Variants in PTPRD observed in about 807,000 individuals in gnomAD.
The protein encoded by PTPRD is protein tyrosine phosphatase receptor type D.
A neutral mutation model predicts 214.5 loss-of-function variants in PTPRD; 34 were observed. That is an observed-to-expected ratio of 0.16 (90% CI 0.12 to 0.21). The LOEUF (loss-of-function observed/expected upper bound fraction) is 0.21, where lower values mean the gene tolerates loss of function less well. Ranked by LOEUF, PTPRD falls within the 10% of genes least tolerant of loss-of-function variation. The pLI, the probability that PTPRD is intolerant of heterozygous loss-of-function variation, is 1.00. For synonymous variants in PTPRD, 1,128 were observed against 845.7 expected (o/e 1.33, Z -5.79); for missense variants, 2,545 against 2,398.7 (o/e 1.06, Z -1.27).
At chr9:10,535,438 T>G (rs1372937369) in intron 2 of PTPRD, among the ~76,000 whole-genome samples, 1 of 152,122 alleles carries the variant, frequency 6.6e-6, no homozygotes, top group East Asian at 1.9e-4. Context: ...GTGAGCTGTT[T>G]CAACAATGCC....
At chr9:9,758,851 T>C (rs1329159931) in intron 6 of PTPRD, among the ~76,000 whole-genome samples, 1 of 148,378 alleles carries the variant, frequency 6.7e-6, no homozygotes, top group Non-Finnish European at 1.5e-5. Context: ...AAATATGAGG[T>C]TGAAGATTTA....
In PTPRD at chr9:10,005,220, C is replaced by G. The variant is rs532103853; in HGVS notation, c.-472+28498G>C. Among the ~76,000 whole-genome samples, 4 of 152,152 alleles carry G rather than the reference C, an allele frequency of 2.6e-5. No homozygotes were observed. The South Asian group carries it at 8.3e-4, about 32-fold the overall frequency. ...AGGCACAAAGCTAACCTTGGTGTTT[C>G]TAAAGCACACAACCAACAGCTTTTT... On this transcript the variant is annotated intron_variant, in intron 4 of 45. Transcript: ENST00000381196.
chr9:9,217,674 C>G (rs2099953177), intron 9 of PTPRD, among the ~76,000 whole-genome samples: 2 of 152,084 alleles, frequency 1.3e-5, no homozygotes, highest in African/African-American at 4.8e-5. Context: ...TCCAGACTTC[C>G]TTTTTATATT....
chr9:8,713,787 G>T, intron 12 of PTPRD: 2 of 1,537,224 alleles, frequency 1.3e-6, no homozygotes, highest in Non-Finnish European at 8.8e-7. Context: ...ACCGGGTCCT[G>T]CGCCTTCAGC....
At chr9:9,293,714 C>CT (rs896119757) in intron 9 of PTPRD, among the ~76,000 whole-genome samples, 5 of 151,552 alleles carry the variant, frequency 3.3e-5, no homozygotes, top group Non-Finnish European at 5.9e-5. Flanking sequence ...AACTCGACTG[C>CT]TGGCAATCAG....
chr9:10,111,528 G>A (rs2098692304), intron 3 of PTPRD, among the ~76,000 whole-genome samples: 1 of 152,032 alleles, frequency 6.6e-6, no homozygotes. Flanking sequence ...GTGAGCCACC[G>A]CGCCCGGCCC....
chr9:8,632,840 A>G (rs2096294410), intron 14 of PTPRD, among the ~76,000 whole-genome samples: 1 of 152,012 alleles, frequency 6.6e-6, no homozygotes, highest in Non-Finnish European at 1.5e-5. Context: ...TTTTTTTCAC[A>G]TAAGACAGGT....
intron 7 of PTPRD, among the ~76,000 whole-genome samples, chr9:9,655,721 T>C (rs1021629626): frequency 2.0e-5 from 3 of 151,876 alleles, no homozygotes; most frequent in Non-Finnish European, 2.9e-5. Context: ...CTCACAACTG[T>C]AATCCCCGCA....
chr9:9,676,418 T>C (rs2096931353), intron 7 of PTPRD, among the ~76,000 whole-genome samples: 1 of 151,926 alleles, frequency 6.6e-6, no homozygotes. Flanking sequence ...AGAATGATGG[T>C]TTCCAGCTTC....
intron 2 of PTPRD, among the ~76,000 whole-genome samples, chr9:10,568,969 A>G (rs950438208): frequency 2.6e-5 from 4 of 152,142 alleles, no homozygotes; most frequent in Non-Finnish European, 5.9e-5. Flanking sequence ...AGAAACTACC[A>G]TCAGAGTGAA....
Position 8,736,628 on chromosome 9 carries a change from A to G in PTPRD, c.-103-2682T>C, listed in dbSNP as rs921449773. Among the ~76,000 whole-genome samples the G allele has an allele frequency of 3.3e-5, 5 of 152,246 alleles. No individual in the cohort carries two copies. In the East Asian group the frequency reaches 9.7e-4, roughly 29 times the overall value. ...GATATTACCTTTTTTATTAGTATTC[A>G]TAAGCGGTTTGAATGCAGGAAAGAT... is the stretch of plus-strand genomic sequence containing the variant. On this transcript the variant is annotated intron_variant, in intron 11 of 45. Coordinates refer to ENST00000381196, the MANE Select transcript of PTPRD (RefSeq NM_002839.4).
At chr9:9,223,715 T>G (rs888241246) in intron 9 of PTPRD, among the ~76,000 whole-genome samples, 5 of 151,928 alleles carry the variant, frequency 3.3e-5, no homozygotes, top group Admixed American at 3.3e-4. Context: ...ACCAACACAT[T>G]ATCAGGCAAA....
At chr9:8,378,620 G>C (rs908156110) in intron 37 of PTPRD, among the ~76,000 whole-genome samples, 1 of 152,038 alleles carries the variant, frequency 6.6e-6, no homozygotes, top group African/African-American at 2.4e-5. Context: ...GTCTCAGCTG[G>C]AGAGCAACCC....
chr9:9,090,102 A>G (rs1352792858), intron 10 of PTPRD, among the ~76,000 whole-genome samples: 2 of 152,150 alleles, frequency 1.3e-5, no homozygotes, highest in African/African-American at 2.4e-5. Flanking sequence ...CTATTTTGAA[A>G]TATACAATAT....
At chr9:9,666,373 A>G (rs542085079) in intron 7 of PTPRD, among the ~76,000 whole-genome samples, 39 of 152,084 alleles carry the variant, frequency 2.6e-4, no homozygotes, top group African/African-American at 9.4e-4. Flanking sequence ...TAAAAAAATT[A>G]TGATCTTATT....
intron 2 of PTPRD, among the ~76,000 whole-genome samples, chr9:10,350,993 T>C (rs2097172468): frequency 6.6e-6 from 1 of 152,010 alleles, no homozygotes; most frequent in Admixed American, 6.6e-5. Flanking sequence ...GGTATAATAC[T>C]GAAGAAAGGA....
intron 5 of PTPRD, among the ~76,000 whole-genome samples, chr9:9,892,938 C>T (rs976196687): frequency 5.3e-5 from 8 of 151,950 alleles, no homozygotes; most frequent in Admixed American, 2.6e-4. Context: ...TTCATTATGG[C>T]GTATGTTGGG....
At chr9:9,905,901 G>A (rs2077457053) in intron 5 of PTPRD, among the ~76,000 whole-genome samples, 1 of 151,996 alleles carries the variant, frequency 6.6e-6, no homozygotes, top group South Asian at 2.1e-4. Context: ...GGAGAAGCAT[G>A]TGTGTGGAGA....
chr9:10,187,495 A>G (rs1218748754), intron 3 of PTPRD, among the ~76,000 whole-genome samples: 1 of 152,152 alleles, frequency 6.6e-6, no homozygotes. Context: ...TGGAATCCCA[A>G]CTGGTCCCAT....
Sources: allele counts gnomAD v4.1 joint callset (sites outside exome capture counted in the v4.1 genomes callset), GRCh38; gene constraint gnomAD v4.1.1; transcripts MANE v1.5; gene names NCBI Gene and HGNC (gene_info 2026-07-23, HGNC 2026-07-21).